Variants in CNTN5 observed in about 807,000 individuals in gnomAD.
CNTN5 encodes contactin-5.
Under a neutral mutation model 129.1 loss-of-function variants are expected in CNTN5, and 77 were observed. The observed-to-expected ratio is 0.60, with a 90% confidence interval of 0.50 to 0.72. The LOEUF (loss-of-function observed/expected upper bound fraction) is 0.72. Among genes scored for constraint, CNTN5 ranks in the 30% least tolerant of loss-of-function variants. The pLI is 0.00. For missense variants in CNTN5, 1,478 were observed against 1,328.8 expected, an observed-to-expected ratio of 1.11 and a Z score of -1.75; for synonymous variants, 509 against 465.6, an observed-to-expected ratio of 1.09 and a Z score of -1.20.
At chr11:99,692,247 G>T (rs1954071075) in intron 3 of CNTN5, among the ~76,000 whole-genome samples, 1 of 152,084 alleles carries the variant, frequency 6.6e-6, no homozygotes, top group South Asian at 2.1e-4. Context: ...TACATTCAAG[G>T]TTATTGTTAT....
chr11:100,158,988 A>T (rs996361608), intron 13 of CNTN5, among the ~76,000 whole-genome samples: 2 of 151,946 alleles, frequency 1.3e-5, no homozygotes, highest in Admixed American at 1.3e-4. Context: ...GCAACAATGA[A>T]AATTAATAAA....
chr11:100,173,119 C>G (rs749510660), intron 13 of CNTN5, among the ~76,000 whole-genome samples: 1 of 152,198 alleles, frequency 6.6e-6, no homozygotes, highest in Non-Finnish European at 1.5e-5. Flanking sequence ...TTCTGGAAAT[C>G]AGACAGCTCC....
chr11:99,888,994 T>A (rs143307146), intron 6 of CNTN5, among the ~76,000 whole-genome samples: 1 of 151,644 alleles, frequency 6.6e-6, no homozygotes, highest in African/African-American at 2.4e-5. Flanking sequence ...GAGGGTTCAG[T>A]TATTTAATTT....
chr11:100,062,090 A>G (rs1266036416), intron 10 of CNTN5, among the ~76,000 whole-genome samples: 1 of 152,150 alleles, frequency 6.6e-6, no homozygotes, highest in Non-Finnish European at 1.5e-5. Context: ...TAAAGTTCAA[A>G]GTTGTTTGTA....
chr11:99,602,933 C>G (rs538731156), intron 3 of CNTN5, among the ~76,000 whole-genome samples: 1 of 105,502 alleles, frequency 9.5e-6, no homozygotes, highest in African/African-American at 3.8e-5. Flanking sequence ...ACATCTACAC[C>G]GAAAACCCAT....
chr11:99,210,246 T>C (rs748447329), intron 1 of CNTN5, among the ~76,000 whole-genome samples: 6 of 152,186 alleles, frequency 3.9e-5, no homozygotes, highest in Non-Finnish European at 7.4e-5. Context: ...CCCATTCCCG[T>C]CTTCCATTAT....
chr11:100,271,478 C>T (rs1473661520), intron 18 of CNTN5, among the ~76,000 whole-genome samples: 1 of 152,152 alleles, frequency 6.6e-6, no homozygotes, highest in Admixed American at 6.5e-5. Flanking sequence ...TCTCCCAATC[C>T]TTGTACTCAT....
intron 13 of CNTN5, among the ~76,000 whole-genome samples, chr11:100,116,720 AATCTC>A (rs1318511614): frequency 6.6e-6 from 1 of 151,978 alleles, no homozygotes; most frequent in Non-Finnish European, 1.5e-5. Flanking sequence ...ATTCTTGACT[AATCTC>A]ATCTTTGAAA....
chr11:100,187,675 A>G (rs1471679978), intron 13 of CNTN5, among the ~76,000 whole-genome samples: 1 of 152,184 alleles, frequency 6.6e-6, no homozygotes, highest in Non-Finnish European at 1.5e-5. Flanking sequence ...GTTGACAAAA[A>G]TAAGTAATGA....
At chr11:99,083,388 A>G (rs1409462130) in intron 1 of CNTN5, among the ~76,000 whole-genome samples, 1 of 152,204 alleles carries the variant, frequency 6.6e-6, no homozygotes, top group Non-Finnish European at 1.5e-5. Flanking sequence ...GTCCTTTGGT[A>G]TCAGGTGGCA....
chr11:99,418,843 C>T (rs1942771264), intron 2 of CNTN5, among the ~76,000 whole-genome samples: 1 of 152,118 alleles, frequency 6.6e-6, no homozygotes, highest in African/African-American at 2.4e-5. Flanking sequence ...AGTCCATGTC[C>T]TACTTTATGT....
chr11:99,401,876 T>G (rs1941829841), intron 2 of CNTN5, among the ~76,000 whole-genome samples: 1 of 152,132 alleles, frequency 6.6e-6, no homozygotes, highest in Non-Finnish European at 1.5e-5. Context: ...TTCAGTTTAC[T>G]GTTAGCATAT....
intron 13 of CNTN5, among the ~76,000 whole-genome samples, chr11:100,092,673 A>G (rs889607380): frequency 6.6e-6 from 1 of 152,278 alleles, no homozygotes; most frequent in African/African-American, 2.4e-5. Context: ...AAGCTGTTAT[A>G]TCTGTATAAA....
In CNTN5 at chr11:100,358,256, T is replaced by C. The variant is rs1257365002; in HGVS notation, c.*2036T>C. On this transcript the variant is annotated 3_prime_UTR_variant, in exon 25 of 25. Transcript: ENST00000524871. ...TTAAGAATCAACTTCTTACTTACAC[T>C]CTCAGAAAGCAAAGCCCAGTAAAAT... 5 of 151,860 alleles carry C rather than the reference T, an allele frequency of 3.3e-5. No individual in the cohort carries two copies. Among genetic ancestry groups the C allele is most frequent in the Non-Finnish European group, 4.4e-5 (3 of 67,834 alleles). The allele number at this position is 151,860 out of a possible 1,614,324, so 9.4% of individuals were successfully genotyped here. A position where few individuals can be genotyped will look rare whatever the true frequency, so the allele number is the denominator to read the frequency against.
intron 1 of CNTN5, among the ~76,000 whole-genome samples, chr11:99,268,419 A>C (rs992263464): frequency 7.9e-5 from 12 of 151,838 alleles, no homozygotes; most frequent in African/African-American, 2.9e-4. Context: ...TTAGTAAAGT[A>C]ATAATTATAA....
intron 1 of CNTN5, among the ~76,000 whole-genome samples, chr11:99,243,661 G>A (rs1403688234): frequency 6.6e-6 from 1 of 150,500 alleles, no homozygotes; most frequent in East Asian, 1.9e-4. Flanking sequence ...CGGGGTTCCA[G>A]TTTTATTCTT....
At chr11:100,294,705 A>T (rs1951067159) in intron 18 of CNTN5, among the ~76,000 whole-genome samples, 1 of 151,784 alleles carries the variant, frequency 6.6e-6, no homozygotes, top group Admixed American at 6.6e-5. Context: ...AAAAGCATTT[A>T]TTAGATATTT....
At chr11:99,109,418 TA>T (rs1305758314) in intron 1 of CNTN5, among the ~76,000 whole-genome samples, 1 of 152,098 alleles carries the variant, frequency 6.6e-6, no homozygotes, top group East Asian at 1.9e-4. Flanking sequence ...GTTAGATAGA[TA>T]TTTTTATACT....
At chr11:99,824,047 A>G (rs1284228977) in intron 4 of CNTN5, among the ~76,000 whole-genome samples, 1 of 151,982 alleles carries the variant, frequency 6.6e-6, no homozygotes, top group Non-Finnish European at 1.5e-5. Flanking sequence ...ACTCAATTAC[A>G]GTTTCTTTAT....
Sources: gnomAD v4.1 joint callset for allele counts (sites outside exome capture counted in the v4.1 genomes callset) on GRCh38, gnomAD v4.1.1 for gene constraint, MANE v1.5 for transcripts, NCBI Gene and HGNC (gene_info 2026-07-23, HGNC 2026-07-21) for gene names.